The following ZFHX3 variants were observed in gnomAD, a reference collection of about 807,000 sequenced individuals.
The protein encoded by ZFHX3 is zinc finger homeobox protein 3.
Under a neutral mutation model 279.1 loss-of-function variants are expected in ZFHX3, and 42 were observed. The observed-to-expected ratio is 0.15, with a 90% CI of 0.12 to 0.19. The LOEUF (loss-of-function observed/expected upper bound fraction) is 0.19. ZFHX3 is among the 10% of genes least tolerant of loss of function. The pLI, the probability that ZFHX3 is intolerant of heterozygous loss-of-function variation, is 1.00. For synonymous variants in ZFHX3, 2,293 were observed against 1,957.8 expected (o/e 1.17, Z -4.52); for missense variants, 4,981 against 4,754.0 (o/e 1.05, Z -1.40).
intron 2 of ZFHX3, among the ~76,000 whole-genome samples, chr16:73,513,013 T>C (rs2143691695): frequency 6.6e-6 from 1 of 152,268 alleles, no homozygotes; most frequent in Middle Eastern, 3.4e-3. Flanking sequence ...CTAGTTTCAA[T>C]GAGGATAATA....
At chr16:72,853,846 G>A (rs959277304) in intron 4 of ZFHX3, among the ~76,000 whole-genome samples, 12 of 152,044 alleles carry the variant, frequency 7.9e-5, no homozygotes, top group African/African-American at 1.4e-4. Context: ...AAGGCTGAGC[G>A]GCAGGAGGAG....
chr16:73,523,015 T>C, intron 2 of ZFHX3, among the ~76,000 whole-genome samples: 1 of 152,174 alleles, frequency 6.6e-6, no homozygotes, highest in East Asian at 1.9e-4. Context: ...TCCCACTGGG[T>C]CCCTCCCACA....
chr16:73,880,258 G>A (rs1567438465), intron 1 of ZFHX3, among the ~76,000 whole-genome samples: 2 of 152,166 alleles, frequency 1.3e-5, no homozygotes, highest in Non-Finnish European at 2.9e-5. Flanking sequence ...AGGCAGAGAG[G>A]TTTAGATGGG....
At chr16:72,847,241 A>AG (rs2037503959) in intron 4 of ZFHX3, among the ~76,000 whole-genome samples, 2 of 152,158 alleles carry the variant, frequency 1.3e-5, no homozygotes, top group Admixed American at 1.3e-4. Context: ...TTGAGGATGA[A>AG]GGGGGGACTT....
intron 3 of ZFHX3, among the ~76,000 whole-genome samples, chr16:73,337,876 C>A (rs1207586621): frequency 8.1e-6 from 1 of 122,834 alleles, no homozygotes; most frequent in Non-Finnish European, 1.7e-5. Flanking sequence ...TTCAATAAGT[C>A]TTCATCTTCC....
intron 1 of ZFHX3, among the ~76,000 whole-genome samples, chr16:73,854,709 C>T (rs1311490087): frequency 1.1e-5 from 1 of 93,124 alleles, no homozygotes. Context: ...GATAAAGAAA[C>T]TTATCTCCCA....
chr16:73,049,481 G>A (rs1965410290), upstream of ZFHX3, among the ~76,000 whole-genome samples: 1 of 152,202 alleles, frequency 6.6e-6, no homozygotes, highest in South Asian at 2.1e-4. Flanking sequence ...CCGTATAGAA[G>A]GCTTTTTGCA....
intron 2 of ZFHX3, among the ~76,000 whole-genome samples, chr16:73,625,553 T>C (rs1194498066): frequency 1.3e-5 from 2 of 152,240 alleles, no homozygotes; most frequent in African/African-American, 4.8e-5. Context: ...CGTGTATTTT[T>C]GGAAGAGTGA....
intron 3 of ZFHX3, among the ~76,000 whole-genome samples, chr16:73,407,705 G>A (rs2017389307): frequency 6.6e-6 from 1 of 152,206 alleles, no homozygotes; most frequent in Admixed American, 6.5e-5. Flanking sequence ...TATAGCAAAT[G>A]CAGGTTAAGT....
chr16:72,915,816 T>C (rs2039428502), intron 3 of ZFHX3, among the ~76,000 whole-genome samples: 1 of 152,074 alleles, frequency 6.6e-6, no homozygotes, highest in Non-Finnish European at 1.5e-5. Flanking sequence ...CATATAATCA[T>C]TTTATAAAAT....
At chr16:73,334,480 A>T (rs1220886324) in intron 3 of ZFHX3, among the ~76,000 whole-genome samples, 2 of 152,176 alleles carry the variant, frequency 1.3e-5, no homozygotes, top group Non-Finnish European at 2.9e-5. Context: ...AGACCACTTC[A>T]GCTCTTGGAG....
chr16:73,391,381 G>A (rs1567469631), intron 3 of ZFHX3, among the ~76,000 whole-genome samples: 1 of 151,838 alleles, frequency 6.6e-6, no homozygotes, highest in Admixed American at 6.6e-5. Flanking sequence ...GAACCCAGGA[G>A]GCAGAGGTTG....
chr16:73,516,030 C>T (rs557270634), intron 2 of ZFHX3, among the ~76,000 whole-genome samples: 89 of 152,304 alleles, frequency 5.8e-4, no homozygotes, highest in African/African-American at 1.9e-3. Context: ...AGACAGAGAA[C>T]AGGGGAAACC....
chr16:73,891,007 C>T (rs951698220), intron 1 of ZFHX3, among the ~76,000 whole-genome samples: 3 of 146,310 alleles, frequency 2.1e-5, no homozygotes, highest in Admixed American at 6.8e-5. Context: ...CTTCCCCCTA[C>T]CCCACCTCGC....
At chr16:73,053,868 G>T (rs1008508804) in intron 1 of ZFHX3, among the ~76,000 whole-genome samples, 1 of 152,324 alleles carries the variant, frequency 6.6e-6, no homozygotes, top group South Asian at 2.1e-4. Flanking sequence ...TCAGCAAAGT[G>T]AAGGACCTGT....
chr16:72,807,012 A>G (rs2036286331), intron 7 of ZFHX3: 1 of 152,208 alleles, frequency 6.6e-6, no homozygotes, highest in African/African-American at 2.4e-5. Context: ...GATCAATTAG[A>G]ATAATTTAAG....
chr16:72,878,809 A>G lies in ZFHX3; in HGVS notation c.3448+10922T>C, dbSNP rs184808541. Among the ~76,000 whole-genome samples, 87 of 152,294 alleles carry G rather than the reference A, an allele frequency of 5.7e-4. 2 individuals are homozygous for G. In the East Asian group the frequency reaches 0.014, roughly 25 times the overall value. Reference sequence around the variant, plus strand: ...AAGTCCCTACTCTGCTGCTGTCTACAGCAGCCCTGTCCTCAGGAACCTTCT... The same window carrying G: ...AAGTCCCTACTCTGCTGCTGTCTACGGCAGCCCTGTCCTCAGGAACCTTCT... On this transcript the variant is annotated intron_variant, in intron 4 of 9. Transcript: ENST00000268489.
At chr16:73,295,380 T>G (rs112375873) in intron 4 of ZFHX3, among the ~76,000 whole-genome samples, 4 of 152,354 alleles carry the variant, frequency 2.6e-5, no homozygotes, top group African/African-American at 9.6e-5. Context: ...AACTTGGTAG[T>G]GGCTGGGCAT....
At chr16:73,493,668 T>C (rs991452597) in intron 2 of ZFHX3, among the ~76,000 whole-genome samples, 31 of 152,116 alleles carry the variant, frequency 2.0e-4, no homozygotes, top group Admixed American at 2.0e-3. Flanking sequence ...GGTCAACCTG[T>C]TCCTTCCTTC....
Sources: gnomAD v4.1 joint callset for allele counts (sites outside exome capture counted in the v4.1 genomes callset) on GRCh38, gnomAD v4.1.1 for gene constraint, MANE v1.5 for transcripts, NCBI Gene and HGNC (gene_info 2026-07-23, HGNC 2026-07-21) for gene names.